RNF216: variants seen among roughly 807,000 people sequenced by gnomAD.
RNF216 encodes the protein E3 ubiquitin-protein ligase RNF216.
Under a neutral mutation model 110.8 loss-of-function variants are expected in RNF216, and 72 were observed. The observed-to-expected ratio is 0.65, with a 90% confidence interval of 0.54 to 0.79. The LOEUF (loss-of-function observed/expected upper bound fraction) is 0.79. RNF216 is among the 30% of genes least tolerant of loss of function. RNF216 has a pLI of 0.00. For missense variants in RNF216, 1,342 were observed against 1,141.2 expected, an observed-to-expected ratio of 1.18 and a Z score of -2.54; for synonymous variants, 495 against 407.5, an observed-to-expected ratio of 1.21 and a Z score of -2.59.
intron 5 of RNF216, among the ~76,000 whole-genome samples, chr7:5,735,086 C>T (rs1007872277): frequency 6.6e-6 from 1 of 151,958 alleles, no homozygotes; most frequent in Admixed American, 6.6e-5. Flanking sequence ...ACGGAGGTTG[C>T]AGTGAGCCAG....
At chr7:5,739,221 C>T in intron 5 of RNF216, 55 bp downstream of exon 5, 1 of 1,459,260 alleles carries the variant, frequency 6.9e-7, no homozygotes, top group Non-Finnish European at 9.1e-7. Flanking sequence ...TTTTTTATTA[C>T]ATATATTTTA....
intron 3 of RNF216, among the ~76,000 whole-genome samples, chr7:5,742,991 G>GCACC (rs1794846094): frequency 6.6e-6 from 1 of 152,130 alleles, no homozygotes; most frequent in Non-Finnish European, 1.5e-5. Context: ...GGCCAGGCGT[G>GCACC]GTGGCTCATG....
chr7:5,637,457 C>A (rs188123535), intron 15 of RNF216, among the ~76,000 whole-genome samples: 10 of 152,246 alleles, frequency 6.6e-5, no homozygotes, highest in African/African-American at 2.4e-4. Flanking sequence ...GAGCTTGTTC[C>A]GTGATAGAAC....
chr7:5,734,553 T>C (rs578129220), intron 5 of RNF216, among the ~76,000 whole-genome samples: 15 of 151,384 alleles, frequency 9.9e-5, no homozygotes, highest in Non-Finnish European at 1.5e-4. Flanking sequence ...ATAAAGAATA[T>C]GTGGAAAGGC....
At chr7:5,652,762 C>A (rs971022225) in intron 13 of RNF216, among the ~76,000 whole-genome samples, 1 of 151,946 alleles carries the variant, frequency 6.6e-6, no homozygotes, top group Non-Finnish European at 1.5e-5. Context: ...TTGAGACCAG[C>A]CTGGGCAACA....
rs775190492 is a variant in RNF216 at position 5,721,162 on chromosome 7, T to C, written c.1515A>G (p.Lys505=). 2 of 1,614,034 alleles carry C rather than the reference T, an allele frequency of 1.2e-6. No homozygotes were observed. Among genetic ancestry groups the C allele is most frequent in the Non-Finnish European group, 1.7e-6 (2 of 1,179,976 alleles). ...CAAGAAAGAACATCCTCTTTTCTAT[T>C]TTTATGTCACCTAGAAGATATACGA... The part of the protein sequence containing the change: ...IDFKFEQGDI[K]IEKRMFFLEN... Residue 505 remains lysine (K), a synonymous_variant, in exon 9 of 17, where the codon AAA becomes AAG. Transcript: ENST00000389902.
chr7:5,722,033 C>T (rs560065650), intron 8 of RNF216, among the ~76,000 whole-genome samples: 46 of 152,196 alleles, frequency 3.0e-4, no homozygotes, highest in African/African-American at 9.9e-4. Context: ...GCAATCCTCC[C>T]GCCTCAGCCT....
At chr7:5,724,757 A>G (rs1793646202) in intron 8 of RNF216, among the ~76,000 whole-genome samples, 1 of 152,254 alleles carries the variant, frequency 6.6e-6, no homozygotes, top group South Asian at 2.1e-4. Flanking sequence ...GAAAAGTTGT[A>G]GTAAACGCCT....
chr7:5,646,635 G>C (rs1454399056), intron 14 of RNF216, among the ~76,000 whole-genome samples: 2 of 151,720 alleles, frequency 1.3e-5, no homozygotes, highest in Non-Finnish European at 2.9e-5. Flanking sequence ...GGAGGTTGCA[G>C]TGAGCCAAGA....
At chr7:5,705,584 G>C (rs562337394) in intron 13 of RNF216, among the ~76,000 whole-genome samples, 2 of 152,206 alleles carry the variant, frequency 1.3e-5, no homozygotes, top group South Asian at 4.1e-4. Flanking sequence ...CCTCTTGGCA[G>C]AGGGAAAAAA....
chr7:5,656,561 CAG>C (rs1046699894), intron 13 of RNF216, among the ~76,000 whole-genome samples: 56 of 152,268 alleles, frequency 3.7e-4, no homozygotes, highest in African/African-American at 1.3e-3. Flanking sequence ...CCCGCCCTCT[CAG>C]GGGGGAAGGA....
chr7:5,640,457 C>T (rs544408589), intron 15 of RNF216, among the ~76,000 whole-genome samples: 26 of 152,316 alleles, frequency 1.7e-4, no homozygotes, highest in African/African-American at 5.5e-4. Flanking sequence ...GGGCCAATCG[C>T]TGTCACCTCC....
At chr7:5,754,121 TGTG>T (rs1295670414) in intron 2 of RNF216, among the ~76,000 whole-genome samples, 1 of 8,128 alleles carries the variant, frequency 1.2e-4, no homozygotes. Flanking sequence ...TTTTGTGTGG[TGTG>T]TGTGTGTGTG....
chr7:5,759,424 C>A (rs1409843987), intron 2 of RNF216, among the ~76,000 whole-genome samples: 1 of 152,136 alleles, frequency 6.6e-6, no homozygotes, highest in East Asian at 1.9e-4. Context: ...GAATGGTCCA[C>A]TTCCACTTAA....
At chr7:5,714,819 G>T (rs935590731) in intron 11 of RNF216, among the ~76,000 whole-genome samples, 1 of 152,276 alleles carries the variant, frequency 6.6e-6, no homozygotes, top group South Asian at 2.1e-4. Context: ...AACGAAGGAG[G>T]TGCTCCTCTG....
At chr7:5,730,236 A>G (rs1446837933) in intron 6 of RNF216, among the ~76,000 whole-genome samples, 1 of 152,252 alleles carries the variant, frequency 6.6e-6, no homozygotes, top group African/African-American at 2.4e-5. Context: ...GAAATGAAAC[A>G]TAACAAAGTT....
At chr7:5,642,800 A>T (rs1291441194) in intron 14 of RNF216, among the ~76,000 whole-genome samples, 1 of 152,152 alleles carries the variant, frequency 6.6e-6, no homozygotes, top group Admixed American at 6.6e-5. Flanking sequence ...TCTAATGAAA[A>T]ACTTTTCAAT....
chr7:5,732,276 T>C (rs916759697), intron 5 of RNF216, among the ~76,000 whole-genome samples: 5 of 152,190 alleles, frequency 3.3e-5, no homozygotes, highest in Non-Finnish European at 5.9e-5. Flanking sequence ...AAATCGCGTC[T>C]GTAGGGAAAG....
At chr7:5,768,907 C>T (rs1193733522) in intron 1 of RNF216, among the ~76,000 whole-genome samples, 1 of 151,672 alleles carries the variant, frequency 6.6e-6, no homozygotes, top group Non-Finnish European at 1.5e-5. Flanking sequence ...GTGATCCACC[C>T]GCCTCGACCT....
Sources: gnomAD v4.1 joint callset for allele counts (sites outside exome capture counted in the v4.1 genomes callset) on GRCh38, gnomAD v4.1.1 for gene constraint, MANE v1.5 for transcripts, NCBI Gene and HGNC (gene_info 2026-07-23, HGNC 2026-07-21) for gene names.